The following LDLRAD1 variants were observed in gnomAD, a reference collection of about 807,000 sequenced individuals.
The protein encoded by LDLRAD1 is low-density lipoprotein receptor class A domain-containing protein 1.
LDLRAD1 carries 17 observed loss-of-function variants against 24.8 expected under a neutral mutation model. The ratio of observed to expected loss-of-function variants is 0.69; its 90% CI spans 0.47 to 1.03. The LOEUF is 1.03. Ranked by LOEUF, LDLRAD1 falls within the 50% of genes least tolerant of loss-of-function variation. The pLI is 0.00. For synonymous variants in LDLRAD1, 103 were observed against 108.2 expected, an observed-to-expected ratio of 0.95 and a Z score of 0.30; for missense variants, 277 against 271.0, an observed-to-expected ratio of 1.02 and a Z score of -0.16.
chr1:54,017,312 T>A (rs1656348362), intron 2 of LDLRAD1, 64 bp downstream of exon 2: 2 of 1,381,940 alleles, frequency 1.4e-6, no homozygotes, highest in Non-Finnish European at 1.0e-6. Context: ...CATGTCTCTA[T>A]CGCCAACTGC....
intron 3 of LDLRAD1, among the ~76,000 whole-genome samples, chr1:54,012,500 A>C (rs972702541): frequency 1.2e-4 from 18 of 152,206 alleles, no homozygotes; most frequent in African/African-American, 4.1e-4. Flanking sequence ...TGTTTGCAAC[A>C]TGGGAATCAT....
At position 54,014,331 on chromosome 1, in the gene LDLRAD1, C is replaced by T. The variant is rs764227423; in HGVS notation, c.107G>A (p.Gly36Glu). ...GGGHLCCSRR[G>E]ACLSASLLLL... is the part of the protein sequence containing the mutation. ...CAGCAGAGAGGCAGAGAGGCAGGCC[C>T]CGCGACGTGAGCAGCAGAGGTGGCC... Residue 36 changes from glycine to glutamate, a missense_variant, in exon 3 of 6, where the codon GGG (glycine) becomes GAG (glutamate). Physicochemically the swap from Gly to Glu is moderately conservative, Grantham distance 98. Coordinates refer to ENST00000371360, the MANE Select transcript of LDLRAD1 (RefSeq NM_001010978.4). The T allele has an allele frequency of 4.9e-5, 76 of 1,549,060 alleles. 1 individual carries two copies. The highest frequency in any genetic ancestry group is 6.4e-5 in the Non-Finnish European group (73 of 1,146,690).
chr1:54,015,250 G>A (rs943095992), intron 2 of LDLRAD1, among the ~76,000 whole-genome samples: 4 of 152,090 alleles, frequency 2.6e-5, no homozygotes, highest in South Asian at 2.1e-4. Context: ...GACAACAGGC[G>A]TGCACCACTG....
chr1:54,014,387 C>A, intron 2 of LDLRAD1, 23 bp from the exon 3 acceptor site: 1 of 1,538,342 alleles, frequency 6.5e-7, no homozygotes, highest in Non-Finnish European at 8.8e-7. Context: ...GAAACAAGCC[C>A]GGGGGTGGTG....
At position 54,008,836 on chromosome 1, in the gene LDLRAD1, G is replaced by A. The variant is rs1432926079; in HGVS notation, c.*146C>T. 1.4e-6 allele frequency: 1 copy of A among 730,650 alleles called. No homozygotes were observed. Among genetic ancestry groups the A allele is most frequent in the Non-Finnish European group, 2.3e-6 (1 of 442,080 alleles). The allele number at this position is 730,650 out of a possible 1,614,324, so 45.3% of individuals were successfully genotyped here. Reference sequence around the variant, plus strand: ...AAGCAGAGGCTGAACAACTTGAAAGGAGGAGAGAAAATTCCTATTCAGAAA... The same window carrying A: ...AAGCAGAGGCTGAACAACTTGAAAGAAGGAGAGAAAATTCCTATTCAGAAA... On this transcript the variant is annotated 3_prime_UTR_variant, in exon 6 of 6. Transcript: ENST00000371360.
chr1:54,013,484 A>G (rs962356082), intron 3 of LDLRAD1, among the ~76,000 whole-genome samples: 1 of 140,272 alleles, frequency 7.1e-6, no homozygotes, highest in Admixed American at 7.3e-5. Flanking sequence ...CTCCTGGACT[A>G]TGACCTCCCT....
intron 1 of LDLRAD1, among the ~76,000 whole-genome samples, chr1:54,017,881 G>A (rs1272812893): frequency 3.3e-5 from 5 of 152,040 alleles, no homozygotes; most frequent in African/African-American, 4.8e-5. Flanking sequence ...ATTTTCCTCC[G>A]TGTCTCCCAT....
intron 2 of LDLRAD1, 140 bp from the exon 3 acceptor site, chr1:54,014,504 G>T: frequency 1.2e-6 from 1 of 807,606 alleles, no homozygotes; most frequent in Non-Finnish European, 2.0e-6. Flanking sequence ...CTTCCCTGGA[G>T]GAGCAGCTCC....
At chr1:54,009,181 C>A in intron 5 of LDLRAD1, 51 bp from the exon 6 acceptor site, 1 of 1,580,680 alleles carries the variant, frequency 6.3e-7, no homozygotes, top group Non-Finnish European at 8.7e-7. Context: ...CTGGAACGCT[C>A]TGTGCACCAG....
At chr1:54,012,977 G>A (rs1656125838) in intron 3 of LDLRAD1, among the ~76,000 whole-genome samples, 1 of 152,120 alleles carries the variant, frequency 6.6e-6, no homozygotes, top group African/African-American at 2.4e-5. Flanking sequence ...TTGGGGATGG[G>A]AGCCAGTTTG....
chr1:54,009,094 C>T lies in LDLRAD1; in HGVS notation c.506G>A (p.Arg169His), dbSNP rs140538964. The part of the protein sequence containing the change: ...VCPPCGPGWW[R>H]CPSTFFKYCD... ...GTACTTGAAGAAGGTTGAAGGACAG[C>T]GCCACCACCCAGGGCCGCAGGGTGG... The change falls in exon 6 of 6, where the codon CGC becomes CAC. Residue 169 changes from arginine to histidine, a missense_variant. Physicochemically the swap from Arg to His is conservative, Grantham distance 29. Coordinates refer to ENST00000371360, the MANE Select transcript of LDLRAD1 (RefSeq NM_001010978.4). The T allele has an allele frequency of 3.1e-5, 50 of 1,613,782 alleles. No individual in the cohort carries two copies. The highest frequency in any genetic ancestry group is 2.5e-4 in the African/African-American group (19 of 74,872).
chr1:54,017,544 T>C lies in LDLRAD1; in HGVS notation c.22-117A>G, dbSNP rs575338497. 5 of 801,242 alleles carry C rather than the reference T, an allele frequency of 6.2e-6. No individual in the cohort carries two copies. The African/African-American group carries it at 8.5e-5, about 14-fold the overall frequency. 49.6% of individuals were successfully genotyped at this position (801,242 alleles called of 1,614,324 possible). The stretch of plus-strand genomic sequence containing the variant: ...AGAGAGTCTTAGGTAGAACCACGGG[T>C]CCGTCACACCCCAGCATCTCACGCC... On this transcript the variant is annotated intron_variant, in intron 1 of 5. Coordinates refer to ENST00000371360, the MANE Select transcript of LDLRAD1 (RefSeq NM_001010978.4).
chr1:54,011,388 A>T (rs914185246), intron 4 of LDLRAD1, among the ~76,000 whole-genome samples: 9 of 151,944 alleles, frequency 5.9e-5, no homozygotes, highest in Admixed American at 6.6e-5. Context: ...ATCCCCTGGG[A>T]TGCAAGCAGA....
rs763292654 is a variant in LDLRAD1, at chr1:54,014,326, A to C, written c.112T>G (p.Cys38Gly). The stretch of plus-strand genomic sequence containing the variant: ...AGGAGCAGCAGAGAGGCAGAGAGGC[A>C]GGCCCCGCGACGTGAGCAGCAGAGG... ...GHLCCSRRGA[C>G]LSASLLLLLA... The change falls in exon 3 of 6, where the codon TGC becomes GGC. Residue 38 changes from cysteine to glycine, a missense_variant. By Grantham distance (159) the Cys-to-Gly change is radical. Coordinates refer to ENST00000371360, the MANE Select transcript of LDLRAD1 (RefSeq NM_001010978.4). The C allele has an allele frequency of 2.6e-6, 4 of 1,540,436 alleles. No individual in the cohort carries two copies. In the East Asian group the frequency reaches 1.0e-4, roughly 39 times the overall value.
In LDLRAD1 at chr1:54,007,305, T is replaced by A. The variant is rs1371623415; in HGVS notation, c.*1677A>T. The A allele has an allele frequency of 6.6e-6, 1 of 152,232 alleles. No homozygotes were observed. The highest frequency in any genetic ancestry group is 1.5e-5 in the Non-Finnish European group (1 of 68,032). 9.4% of individuals were successfully genotyped at this position (152,232 alleles called of 1,614,324 possible). A position where few individuals can be genotyped will look rare whatever the true frequency, so the allele number is the denominator to read the frequency against. ...TTTCAAAACTCAGAAAACTGATATG[T>A]AAAACCAATTTTATTAATTTTTCAG... On this transcript the variant is annotated 3_prime_UTR_variant, in exon 6 of 6. Coordinates refer to ENST00000371360, the MANE Select transcript of LDLRAD1 (RefSeq NM_001010978.4).
Position 54,018,038 on chromosome 1 carries a change from C to T in LDLRAD1, c.21+54G>A, listed in dbSNP as rs764604371. Reference sequence around the variant, plus strand: ...ACAGCTCTCACCTGGGGACAGCTCTCACTTGGGGACAGCTCTTACTTGGAG... The same window carrying T: ...ACAGCTCTCACCTGGGGACAGCTCTTACTTGGGGACAGCTCTTACTTGGAG... On this transcript the variant is annotated intron_variant, in intron 1 of 5. Coordinates refer to ENST00000371360, the MANE Select transcript of LDLRAD1 (RefSeq NM_001010978.4). 3 of 1,478,258 alleles carry T rather than the reference C, an allele frequency of 2.0e-6. No individual in the cohort carries two copies. In the South Asian group the frequency reaches 3.4e-5, roughly 17 times the overall value. 91.6% of individuals were successfully genotyped at this position (1,478,258 alleles called of 1,614,324 possible). A position where few individuals can be genotyped will look rare whatever the true frequency, so the allele number is the denominator to read the frequency against.
intron 4 of LDLRAD1, among the ~76,000 whole-genome samples, chr1:54,011,628 T>C (rs1461993856): frequency 6.6e-6 from 1 of 152,194 alleles, no homozygotes; most frequent in Non-Finnish European, 1.5e-5. Flanking sequence ...TGGGGCCAGG[T>C]CTTCCCATTC....
chr1:54,010,458 C>G lies in LDLRAD1; in HGVS notation c.341-48G>C, dbSNP rs1259152509. 7 of 1,604,320 alleles carry G rather than the reference C, an allele frequency of 4.4e-6. No homozygotes were observed. The South Asian group carries it at 7.7e-5, about 18-fold the overall frequency. On this transcript the variant is annotated intron_variant, in intron 4 of 5. Coordinates refer to ENST00000371360, the MANE Select transcript of LDLRAD1 (RefSeq NM_001010978.4). ...GGAAGAAGTCCACATCTGGCCACAG[C>G]TGTCTGAGGGTTATCGGGAGGAGGA... is the stretch of plus-strand genomic sequence containing the variant.
At position 54,009,025 on chromosome 1, in the gene LDLRAD1, T is replaced by A; in HGVS notation, c.575A>T (p.His192Leu). The stretch of plus-strand genomic sequence containing the variant: ...ATACTCATCGGACCAGTCGGAGCAG[T>A]GCTGTACATGGTCGCGGCAGAGATG... ...PRHLCRDHVQ[H>L]CSDWSDEYAC... The change falls in exon 6 of 6, where the codon CAC (histidine) becomes CTC (leucine). Residue 192 changes from histidine (H) to leucine (L), a missense_variant. Physicochemically the swap from His to Leu is moderately conservative, Grantham distance 99. Transcript: ENST00000371360. The A allele has an allele frequency of 1.2e-6, 2 of 1,614,054 alleles. No individual in the cohort carries two copies. Among genetic ancestry groups the A allele is most frequent in the Non-Finnish European group, 1.7e-6 (2 of 1,179,978 alleles).
Sources: gnomAD v4.1 joint callset for allele counts (sites outside exome capture counted in the v4.1 genomes callset) on GRCh38, gnomAD v4.1.1 for gene constraint, MANE v1.5 for transcripts, NCBI Gene and HGNC (gene_info 2026-07-23, HGNC 2026-07-21) for gene names.